Variants in NBPF14 observed in about 807,000 individuals in gnomAD.
NBPF14 encodes NBPF member 14, also known as NBPF family member NBPF14.
A neutral mutation model predicts 91.2 loss-of-function variants in NBPF14; 104 were observed. That is an observed-to-expected ratio of 1.14 (90% CI 0.97 to 1.34). The LOEUF is 1.34. NBPF14 is among the 40% of genes most tolerant of loss of function. The probability of loss-of-function intolerance (pLI) is 0.00; values close to 1 mark genes in which losing one functional copy is unlikely to be tolerated. For synonymous variants in NBPF14, 294 were observed against 303.8 expected (o/e 0.97, Z 0.34); for missense variants, 908 against 783.0 (o/e 1.16, Z -1.91).
intron 36 of NBPF14, among the ~76,000 whole-genome samples, chr1:148,560,284 A>T (rs1657591964): frequency 7.0e-6 from 1 of 143,038 alleles, no homozygotes; most frequent in African/African-American, 2.8e-5. Flanking sequence ...GACACACAGC[A>T]AACTGTGATC....
At chr1:148,566,516 C>G (rs1174346627) in intron 28 of NBPF14, among the ~76,000 whole-genome samples, 1,400 of 123,622 alleles carry the variant, frequency 0.011, 59 homozygotes, top group African/African-American at 0.037. Flanking sequence ...CAGACACACA[C>G]ACACACACAC....
chr1:148,586,646 C>T (rs1206345303), intron 8 of NBPF14, among the ~76,000 whole-genome samples, 177 bp from the exon 9 acceptor site: 3 of 147,588 alleles, frequency 2.0e-5, no homozygotes, highest in African/African-American at 7.4e-5. Flanking sequence ...TTACAGGCTT[C>T]CTCTGTATCA....
chr1:148,566,231 A>G lies in NBPF14; in HGVS notation c.3627T>C (p.Cys1209=), dbSNP rs1286524015. The G allele has an allele frequency of 6.7e-6, 4 of 599,532 alleles. No homozygotes were observed. The African/African-American group carries it at 8.2e-5, about 12-fold the overall frequency. The allele number at this position is 599,532 out of a possible 1,614,324, so 37.1% of individuals were successfully genotyped here. ...GCTGGCAGGAGTCAGGCTGTTCAAG[A>G]CAACTGGAAGGAGTTGAATAACATC... Residue 1209 remains cysteine (C), a synonymous_variant, in exon 29 of 71, where the codon TGT becomes TGC. Coordinates refer to ENST00000619423, the Ensembl canonical transcript of NBPF14.
rs1662399259 is a variant in NBPF14 at position 148,591,149 on chromosome 1, G to C, written c.567-181C>G. On this transcript the variant is annotated intron_variant, in intron 5 of 70. Transcript: ENST00000619423. ...CTCTGCAACAGACCATGGCTGCCATGGGAGCCAGAGAGGAAGAGAGCAGCT... is the reference window on the plus strand; with the variant it reads ...CTCTGCAACAGACCATGGCTGCCATCGGAGCCAGAGAGGAAGAGAGCAGCT... 1.2e-4 allele frequency among the ~76,000 whole-genome samples: 17 copies of C among 146,020 alleles called. 1 individual carries two copies. In the South Asian group the frequency reaches 3.6e-3, roughly 31 times the overall value.
In NBPF14 at chr1:148,555,229, T is replaced by TACTA. The variant is rs1656539947; in HGVS notation, c.5311_5312insTAGT (p.Glu1771ValfsTer6). 3 of 175,958 alleles carry TACTA rather than the reference T, an allele frequency of 1.7e-5. No individual in the cohort carries two copies. Among genetic ancestry groups the TACTA allele is most frequent in the African/African-American group, 1.8e-4 (1 of 5,436 alleles). 10.9% of individuals were successfully genotyped at this position (175,958 alleles called of 1,614,324 possible). A position where few individuals can be genotyped will look rare whatever the true frequency, so the allele number is the denominator to read the frequency against. ...GTCCTGCAAGACTTCAGGCCCTTTC[T>TACTA]CATCCAGCAGCTCCCTGCTGAGCCT... On this transcript the variant is annotated frameshift_variant, in exon 43 of 71. Coordinates refer to ENST00000619423, the Ensembl canonical transcript of NBPF14. LOFTEE classifies it high-confidence loss of function.
chr1:148,593,219 T>G (rs1304944976), intron 3 of NBPF14, among the ~76,000 whole-genome samples: 1 of 148,466 alleles, frequency 6.7e-6, no homozygotes, highest in African/African-American at 2.4e-5. Flanking sequence ...GCAACATTGA[T>G]TGAGTGAAAG....
chr1:148,566,479 C>A (rs1322531473), intron 28 of NBPF14, among the ~76,000 whole-genome samples, 164 bp from the exon 29 acceptor site: 6 of 139,312 alleles, frequency 4.3e-5, no homozygotes, highest in African/African-American at 1.1e-4. Flanking sequence ...AGAACAGGGC[C>A]AAATGGAAAA....
chr1:148,532,329 C>G (rs1653874113), exon 71 of NBPF14: 1 of 155,546 alleles, frequency 6.4e-6, no homozygotes, highest in African/African-American at 2.4e-5. Flanking sequence ...CTGTCTCCTG[C>G]CAGCGACTCC....
In NBPF14 at chr1:148,561,811, A is replaced by T. The variant is rs1387485557; in HGVS notation, c.4275-232T>A. On this transcript the variant is annotated intron_variant, in intron 34 of 70. Coordinates refer to ENST00000619423, the Ensembl canonical transcript of NBPF14. The stretch of plus-strand genomic sequence containing the variant: ...CACACACACACACACAAACACACAC[A>T]CACACACAGAGAGAGAGAGAGAGAG... 2.0e-4 allele frequency among the ~76,000 whole-genome samples: 28 copies of T among 136,924 alleles called. 2 individuals carry two copies. Among genetic ancestry groups the T allele is most frequent in the African/African-American group, 9.4e-4 (27 of 28,728 alleles). The allele number at this position is 136,924 out of a possible 152,430, so 89.8% of individuals were successfully genotyped here.
chr1:148,534,492 T>C (rs1368514963), intron 69 of NBPF14, among the ~76,000 whole-genome samples, 192 bp downstream of exon 69: 10 of 151,320 alleles, frequency 6.6e-5, no homozygotes, highest in African/African-American at 1.2e-4. Flanking sequence ...AGGAAGAGAG[T>C]CTTGCTCACT....
chr1:148,566,316 C>G lies in NBPF14; in HGVS notation c.3543-1G>C, dbSNP rs1447363129. On this transcript the variant is annotated splice_acceptor_variant, in intron 28 of 70. Coordinates refer to ENST00000619423, the Ensembl canonical transcript of NBPF14. LOFTEE classifies it high-confidence loss of function. The stretch of plus-strand genomic sequence containing the variant: ...TACCTCCAGCAGCTCCCTGCTGAGC[C>G]TGGAAAAGGAGGAAAAGGTAAAGAA... 6.7e-6 allele frequency: 5 copies of G among 749,040 alleles called. 1 individual carries two copies. Among genetic ancestry groups the G allele is most frequent in the Non-Finnish European group, 1.2e-5 (5 of 425,050 alleles). The allele number at this position is 749,040 out of a possible 1,614,324, so 46.4% of individuals were successfully genotyped here.
intron 70 of NBPF14, 87 bp downstream of exon 70, chr1:148,533,774 A>G (rs797035499): frequency 5.2e-6 from 4 of 763,148 alleles, no homozygotes; most frequent in Non-Finnish European, 2.4e-6. Flanking sequence ...TGTTGAAAAT[A>G]TGACATCAAA....
chr1:148,542,356 AAG>A (rs1655681412), intron 59 of NBPF14, among the ~76,000 whole-genome samples, 196 bp downstream of exon 59: 1 of 29,500 alleles, frequency 3.4e-5, no homozygotes, highest in Admixed American at 3.5e-4. Context: ...TGAGACTAGG[AAG>A]AGAGTCTTGC....
chr1:148,535,206 G>A (rs1198005776), intron 68 of NBPF14, among the ~76,000 whole-genome samples: 1 of 149,744 alleles, frequency 6.7e-6, no homozygotes, highest in South Asian at 2.1e-4. Flanking sequence ...CCATAAACTT[G>A]CTCAAGATTC....
chr1:148,534,553 C>G (rs1432413009), intron 69 of NBPF14, 131 bp downstream of exon 69: 3 of 723,232 alleles, frequency 4.1e-6, no homozygotes, highest in East Asian at 2.6e-5. Flanking sequence ...TCATTACAAC[C>G]TATATGCGCC....
At chr1:148,560,208 C>G (rs1310704634) in intron 36 of NBPF14, among the ~76,000 whole-genome samples, 2 of 151,092 alleles carry the variant, frequency 1.3e-5, no homozygotes, top group Non-Finnish European at 2.9e-5. Flanking sequence ...AGAAAGTGAC[C>G]TAGTGAATTG....
At position 148,558,238 on chromosome 1, in the gene NBPF14, A is replaced by C; in HGVS notation, c.4954+14T>G. On this transcript the variant is annotated intron_variant, in intron 39 of 70. Coordinates refer to ENST00000619423, the Ensembl canonical transcript of NBPF14. ...CCAGGTGGAGGCTTATCACCTTCAC[A>C]GTAAGGTACTCACTGTCCACGTCAA... 5.9e-6 allele frequency: 1 copy of C among 168,388 alleles called. No individual in the cohort carries two copies. The highest frequency in any genetic ancestry group is 1.0e-5 in the Non-Finnish European group (1 of 97,468). 10.4% of individuals were successfully genotyped at this position (168,388 alleles called of 1,614,324 possible). A position where few individuals can be genotyped will look rare whatever the true frequency, so the allele number is the denominator to read the frequency against.
chr1:148,561,883 G>A (rs1657861542), intron 34 of NBPF14, among the ~76,000 whole-genome samples: 2 of 132,614 alleles, frequency 1.5e-5, no homozygotes, highest in Admixed American at 1.4e-4. Context: ...ACACACTGAT[G>A]AGGGAGTAAC....
intron 70 of NBPF14, 36 bp from the exon 71 acceptor site, chr1:148,533,284 G>C: frequency 1.8e-6 from 1 of 561,206 alleles, no homozygotes; most frequent in Non-Finnish European, 2.9e-6. Context: ...AGCAGCCAGG[G>C]AAAATCAGAC....
Sources: allele counts gnomAD v4.1 joint callset (sites outside exome capture counted in the v4.1 genomes callset), GRCh38; gene constraint gnomAD v4.1.1; transcripts MANE v1.5; gene names NCBI Gene and HGNC (gene_info 2026-07-23, HGNC 2026-07-21).